ATOSA: variants seen among roughly 807,000 people sequenced by gnomAD.
ATOSA encodes atos homolog A, also known as atos homolog protein A.
chr15:52,614,785 T>G, the ATOSA span, among the ~76,000 whole-genome samples: 1 of 151,788 alleles, frequency 6.6e-6, no homozygotes, highest in Non-Finnish European at 1.5e-5. Context: ...GAGATGGAGG[T>G]TGCGGTGAGC....
chr15:52,643,022 C>G, the ATOSA span, among the ~76,000 whole-genome samples: 1 of 152,070 alleles, frequency 6.6e-6, no homozygotes, highest in Admixed American at 6.5e-5. Context: ...GCTCCCATCA[C>G]ACCTGCCAAA....
the ATOSA span, among the ~76,000 whole-genome samples, chr15:52,642,619 T>C: frequency 1.3e-5 from 2 of 152,186 alleles, no homozygotes; most frequent in Non-Finnish European, 1.5e-5. Context: ...TGTAGCTGTT[T>C]TGCTTTTTGT....
At chr15:52,645,898 T>G in the ATOSA span, among the ~76,000 whole-genome samples, 1 of 152,192 alleles carries the variant, frequency 6.6e-6, no homozygotes, top group African/African-American at 2.4e-5. Context: ...AATTCTAGAT[T>G]TACCTGTACT....
At chr15:52,612,500 G>C in the ATOSA span, among the ~76,000 whole-genome samples, 3 of 107,880 alleles carry the variant, frequency 2.8e-5, no homozygotes, top group East Asian at 8.3e-4. Flanking sequence ...AAATAAACAA[G>C]ATCTTTTTTT....
the ATOSA span, chr15:52,605,091 G>T: frequency 8.1e-7 from 1 of 1,238,786 alleles, no homozygotes; most frequent in Non-Finnish European, 1.1e-6. Flanking sequence ...CCTTTCAGAT[G>T]TATGTAAGTT....
the ATOSA span, among the ~76,000 whole-genome samples, chr15:52,595,842 G>A: frequency 6.6e-6 from 1 of 152,286 alleles, no homozygotes; most frequent in Non-Finnish European, 1.5e-5. Context: ...AGGCGTGGTG[G>A]CTTACACTTG....
chr15:52,705,471 T>G, the ATOSA span, among the ~76,000 whole-genome samples: 1 of 152,132 alleles, frequency 6.6e-6, no homozygotes, highest in Non-Finnish European at 1.5e-5. Context: ...AACCTGCACG[T>G]TGTGCACATG....
chr15:52,680,414 G>A, the ATOSA span, among the ~76,000 whole-genome samples: 6 of 152,082 alleles, frequency 3.9e-5, no homozygotes, highest in African/African-American at 1.4e-4. Context: ...TCACAGGAAA[G>A]TATTAGGACA....
At chr15:52,661,776 A>C in the ATOSA span, among the ~76,000 whole-genome samples, 1 of 152,134 alleles carries the variant, frequency 6.6e-6, no homozygotes. Context: ...CTGCAGAACC[A>C]GCATTCAATC....
the ATOSA span, among the ~76,000 whole-genome samples, chr15:52,597,877 C>A: frequency 6.6e-6 from 1 of 152,164 alleles, no homozygotes; most frequent in Non-Finnish European, 1.5e-5. Context: ...GTAATCCCAG[C>A]ACTTTGGGAG....
chr15:52,674,030 C>T, the ATOSA span, among the ~76,000 whole-genome samples: 141,340 of 152,296 alleles, frequency 0.93, 65,830 homozygotes, highest in Non-Finnish European at 0.96. Flanking sequence ...TAAAGATCAA[C>T]AGCCTACAAT....
chr15:52,683,540 C>G, the ATOSA span, among the ~76,000 whole-genome samples: 17 of 152,164 alleles, frequency 1.1e-4, no homozygotes, highest in Admixed American at 4.6e-4. Context: ...CCCCAAAGAG[C>G]AAATGGTCAT....
chr15:52,614,889 T>C, the ATOSA span, among the ~76,000 whole-genome samples: 4 of 152,142 alleles, frequency 2.6e-5, no homozygotes, highest in African/African-American at 9.7e-5. Flanking sequence ...GGTACAATAG[T>C]TTTTGCACAC....
At chr15:52,651,504 T>TA in the ATOSA span, among the ~76,000 whole-genome samples, 25 of 152,314 alleles carry the variant, frequency 1.6e-4, no homozygotes, top group African/African-American at 5.8e-4. Context: ...AGCTTTAATT[T>TA]AAAAAATACC....
At chr15:52,669,448 T>G in the ATOSA span, among the ~76,000 whole-genome samples, 1 of 152,156 alleles carries the variant, frequency 6.6e-6, no homozygotes, top group African/African-American at 2.4e-5. Flanking sequence ...TGTTATAAAT[T>G]TAAGTAGAAA....
chr15:52,691,287 C>T, the ATOSA span, among the ~76,000 whole-genome samples: 1 of 152,130 alleles, frequency 6.6e-6, no homozygotes, highest in African/African-American at 2.4e-5. Context: ...CTTTACAAGA[C>T]TTAGTCTCAT....
At chr15:52,600,179 A>C in the ATOSA span, 1 of 1,612,164 alleles carries the variant, frequency 6.2e-7, no homozygotes, top group South Asian at 1.1e-5. Flanking sequence ...ACTAGAACTC[A>C]AAAATGGTTT....
the ATOSA span, among the ~76,000 whole-genome samples, chr15:52,701,804 T>C: frequency 1.3e-5 from 2 of 152,024 alleles, no homozygotes; most frequent in African/African-American, 4.8e-5. Context: ...TGTAACATTT[T>C]AAGATAAAGA....
chr15:52,630,102 C>A, the ATOSA span, among the ~76,000 whole-genome samples: 3 of 152,128 alleles, frequency 2.0e-5, no homozygotes, highest in African/African-American at 7.2e-5. Flanking sequence ...TTCCCAGACT[C>A]CCATCTTTCA....
Sources: allele counts gnomAD v4.1 joint callset (sites outside exome capture counted in the v4.1 genomes callset), GRCh38; gene constraint gnomAD v4.1.1; transcripts MANE v1.5; gene names NCBI Gene and HGNC (gene_info 2026-07-23, HGNC 2026-07-21).